Variants in CHD1L observed in about 807,000 individuals in gnomAD.
CHD1L encodes chromodomain helicase DNA binding protein 1 like.
In CHD1L, 118 loss-of-function variants were observed where a neutral mutation model predicts 115.9. The ratio of observed to expected loss-of-function variants is 1.02; its 90% CI spans 0.88 to 1.19. The LOEUF (loss-of-function observed/expected upper bound fraction) is 1.19. Among genes scored for constraint, CHD1L ranks in the 50% most tolerant of loss-of-function variants. The pLI, the probability that CHD1L is intolerant of heterozygous loss-of-function variation, is 0.00. For synonymous variants in CHD1L, 411 were observed against 387.1 expected, an observed-to-expected ratio of 1.06 and a Z score of -0.72; for missense variants, 1,179 against 1,065.3, an observed-to-expected ratio of 1.11 and a Z score of -1.49.
At chr1:147,269,621 A>C (rs587753803) in intron 10 of CHD1L, among the ~76,000 whole-genome samples, 1 of 142,768 alleles carries the variant, frequency 7.0e-6, no homozygotes, top group Admixed American at 7.6e-5. Context: ...GTGAGCCAAG[A>C]TCATGCCACT....
chr1:147,246,401 A>G (rs991754374), intron 1 of CHD1L, among the ~76,000 whole-genome samples: 1 of 152,220 alleles, frequency 6.6e-6, no homozygotes, highest in East Asian at 1.9e-4. Flanking sequence ...ATAAATCTTC[A>G]TTTCTCTGTA....
At chr1:147,233,619 G>C in the CHD1L span, among the ~76,000 whole-genome samples, 16 of 152,224 alleles carry the variant, frequency 1.1e-4, no homozygotes, top group African/African-American at 3.9e-4. Flanking sequence ...ATTGAGAACA[G>C]GCCATGATGA....
chr1:147,257,029 T>C (rs1441052650), intron 5 of CHD1L, among the ~76,000 whole-genome samples: 3 of 151,822 alleles, frequency 2.0e-5, no homozygotes, highest in African/African-American at 7.3e-5. Flanking sequence ...AGAAAGGGAG[T>C]TTTAAGTGTA....
intron 6 of CHD1L, among the ~76,000 whole-genome samples, chr1:147,264,039 T>C (rs1205086658): frequency 6.6e-6 from 1 of 152,214 alleles, no homozygotes; most frequent in Admixed American, 6.5e-5. Flanking sequence ...TGCATGAGCA[T>C]GTGCATTGTG....
At chr1:147,287,436 A>C (rs1553966850) in intron 18 of CHD1L, among the ~76,000 whole-genome samples, 199 bp from the exon 19 acceptor site, 3 of 152,206 alleles carry the variant, frequency 2.0e-5, no homozygotes. Context: ...TCCTGTTATC[A>C]TGGCCCCAGC....
chr1:147,254,940 T>C lies in CHD1L; in HGVS notation c.311T>C (p.Leu104Ser). Reference protein sequence around the residue: ...DEGPFLILCPLSVLSNWKEEM... With the variant: ...DEGPFLILCPSSVLSNWKEEM... ...GGGCCATTTCTGATTCTTTGTCCCT[T>C]GTCTGTTTTGAGCAACTGGAAAGAA... The change falls in exon 3 of 23, where the codon TTG (leucine) becomes TCG (serine). Residue 104 changes from leucine to serine, a missense_variant. Leu to Ser is a moderately radical substitution (Grantham distance 145). Coordinates refer to ENST00000369258, the MANE Select transcript of CHD1L (RefSeq NM_004284.6). 6.2e-7 allele frequency: 1 copy of C among 1,608,954 alleles called. No homozygotes were observed. Among genetic ancestry groups the C allele is most frequent in the Admixed American group, 1.7e-5 (1 of 58,726 alleles).
intron 21 of CHD1L, 87 bp downstream of exon 21, chr1:147,293,809 G>A (rs943386668): frequency 5.4e-6 from 6 of 1,108,368 alleles, no homozygotes; most frequent in African/African-American, 4.6e-5. Context: ...GAAATGTCAA[G>A]ATCCCACTTA....
the CHD1L span, among the ~76,000 whole-genome samples, chr1:147,195,534 G>A: frequency 1.3e-5 from 2 of 152,064 alleles, no homozygotes; most frequent in African/African-American, 2.4e-5. Context: ...AGGCCAAGGG[G>A]AACTCATAAT....
At chr1:147,240,568 G>T (rs1262569863), upstream of CHD1L, among the ~76,000 whole-genome samples, 2 of 152,164 alleles carry the variant, frequency 1.3e-5, no homozygotes, top group East Asian at 3.9e-4. Flanking sequence ...CCTCTTTGCA[G>T]TTGAGATAAG....
the CHD1L span, among the ~76,000 whole-genome samples, chr1:147,205,901 C>A: frequency 2.0e-5 from 3 of 152,130 alleles, no homozygotes; most frequent in South Asian, 2.1e-4. Flanking sequence ...GCAACAAAAG[C>A]CAAAATTGAC....
chr1:147,270,012 G>C (rs1553951679), intron 10 of CHD1L, among the ~76,000 whole-genome samples: 1 of 152,104 alleles, frequency 6.6e-6, no homozygotes, highest in African/African-American at 2.4e-5. Flanking sequence ...TTATTTCACA[G>C]ACCCAGAAAG....
the CHD1L span, chr1:147,187,158 A>T: frequency 6.2e-7 from 1 of 1,614,128 alleles, no homozygotes; most frequent in Non-Finnish European, 8.5e-7. Flanking sequence ...GAGACAGCAG[A>T]TTGGGCCTGA....
intron 5 of CHD1L, among the ~76,000 whole-genome samples, chr1:147,256,876 A>G (rs1670338816): frequency 6.6e-6 from 1 of 152,250 alleles, no homozygotes; most frequent in Non-Finnish European, 1.5e-5. Flanking sequence ...GTTAATAGAT[A>G]TTAGGCTCTT....
At chr1:147,271,596 C>T (rs954314295) in intron 11 of CHD1L, among the ~76,000 whole-genome samples, 14 of 151,650 alleles carry the variant, frequency 9.2e-5, no homozygotes, top group East Asian at 3.9e-4. Context: ...TAGTTCAGAC[C>T]GGGTGTCTGA....
intron 10 of CHD1L, among the ~76,000 whole-genome samples, 169 bp downstream of exon 10, chr1:147,269,047 C>G (rs1303205033): frequency 4.6e-5 from 7 of 152,136 alleles, no homozygotes; most frequent in Non-Finnish European, 8.8e-5. Flanking sequence ...TATCCCACTC[C>G]ACCCCTTCCA....
the CHD1L span, among the ~76,000 whole-genome samples, chr1:147,227,245 C>T: frequency 6.6e-6 from 1 of 152,112 alleles, no homozygotes; most frequent in Non-Finnish European, 1.5e-5. Context: ...TCAACACAAC[C>T]ATTTTATATG....
In CHD1L at chr1:147,269,903, A is replaced by T. The variant is rs143789020; in HGVS notation, c.1085+1025A>T. Among the ~76,000 whole-genome samples the T allele has an allele frequency of 3.5e-4, 53 of 152,318 alleles. No individual in the cohort carries two copies. The East Asian group carries it at 8.9e-3, about 25-fold the overall frequency. On this transcript the variant is annotated intron_variant, in intron 10 of 22. Coordinates refer to ENST00000369258, the MANE Select transcript of CHD1L (RefSeq NM_004284.6). Reference sequence around the variant, plus strand: ...CTCAACTTTAGGAATGTGCAAGTTAAATAATTTCATGTCTTACTGTATTTC... The same window carrying T: ...CTCAACTTTAGGAATGTGCAAGTTATATAATTTCATGTCTTACTGTATTTC...
At chr1:147,268,030 C>T (rs1230182077) in intron 9 of CHD1L, among the ~76,000 whole-genome samples, 3 of 152,266 alleles carry the variant, frequency 2.0e-5, no homozygotes, top group South Asian at 2.1e-4. Flanking sequence ...TTTCAGTTAC[C>T]CTCTCAGAAG....
intron 3 of CHD1L, among the ~76,000 whole-genome samples, chr1:147,255,550 G>A (rs1406325330): frequency 2.6e-5 from 4 of 151,866 alleles, no homozygotes; most frequent in Non-Finnish European, 5.9e-5. Context: ...GACGTAGGAA[G>A]TAACTCATGT....
Sources: allele counts gnomAD v4.1 joint callset (sites outside exome capture counted in the v4.1 genomes callset), GRCh38; gene constraint gnomAD v4.1.1; transcripts MANE v1.5; gene names NCBI Gene and HGNC (gene_info 2026-07-23, HGNC 2026-07-21).